Variants in PRKCA observed in about 807,000 individuals in gnomAD.
PRKCA encodes the protein protein kinase C alpha.
Under a neutral mutation model 87.0 loss-of-function variants are expected in PRKCA, and 27 were observed. The observed-to-expected ratio is 0.31, with a 90% CI of 0.23 to 0.43. The LOEUF (loss-of-function observed/expected upper bound fraction) is 0.43. Ranked by LOEUF, PRKCA falls within the 20% of genes least tolerant of loss-of-function variation. The pLI is 1.00. For synonymous variants in PRKCA, 329 were observed against 311.1 expected (o/e 1.06, Z -0.61); for missense variants, 518 against 852.3 (o/e 0.61, Z 4.88).
At position 66,661,926 on chromosome 17, in the gene PRKCA, C is replaced by G. The variant is rs559102750; in HGVS notation, c.529+16415C>G. ...CCCCTGCGGCAGCTTTTTCTGCAGG[C>G]CACGTTGCTGCCTTGGCAGACCCTC... On this transcript the variant is annotated intron_variant, in intron 5 of 16. Coordinates refer to ENST00000413366, the MANE Select transcript of PRKCA (RefSeq NM_002737.3). Among the ~76,000 whole-genome samples, 8 of 152,286 alleles carry G rather than the reference C, an allele frequency of 5.3e-5. No homozygotes were observed. The East Asian group carries it at 1.5e-3, about 29-fold the overall frequency.
At chr17:66,749,258 G>A (rs4456536) in intron 13 of PRKCA, among the ~76,000 whole-genome samples, 3,559 of 126,118 alleles carry the variant, frequency 0.028, 48 homozygotes, top group Non-Finnish European at 0.034. Context: ...CTGCCTCCCC[G>A]CCCCATTCCC....
At chr17:66,640,748 T>G (rs902693355) in intron 3 of PRKCA, among the ~76,000 whole-genome samples, 1 of 152,234 alleles carries the variant, frequency 6.6e-6, no homozygotes, top group Non-Finnish European at 1.5e-5. Flanking sequence ...TTTAAAACAC[T>G]GTGCTTGTCC....
At chr17:66,438,845 T>C (rs1913556254) in intron 2 of PRKCA, among the ~76,000 whole-genome samples, 1 of 152,076 alleles carries the variant, frequency 6.6e-6, no homozygotes, top group Non-Finnish European at 1.5e-5. Context: ...GAGAACAGGA[T>C]GGGGGATACT....
chr17:66,588,102 T>C (rs1320015656), intron 3 of PRKCA, among the ~76,000 whole-genome samples: 1 of 151,916 alleles, frequency 6.6e-6, no homozygotes, highest in African/African-American at 2.4e-5. Context: ...TGTTGGAGGA[T>C]TCTACTTCCT....
intron 4 of PRKCA, among the ~76,000 whole-genome samples, chr17:66,644,607 A>G (rs1486523749): frequency 6.6e-6 from 1 of 152,180 alleles, no homozygotes; most frequent in African/African-American, 2.4e-5. Context: ...CTAGGCGGGT[A>G]TTTGTTTTAC....
At chr17:66,344,638 A>G (rs1383346319) in intron 2 of PRKCA, among the ~76,000 whole-genome samples, 1 of 152,282 alleles carries the variant, frequency 6.6e-6, no homozygotes, top group Non-Finnish European at 1.5e-5. Context: ...TGAGGCTTAG[A>G]AATGTAAGTA....
chr17:66,715,372 C>T (rs78894876), intron 8 of PRKCA, among the ~76,000 whole-genome samples: 5 of 152,158 alleles, frequency 3.3e-5, no homozygotes, highest in African/African-American at 9.7e-5. Context: ...ACTCTGCCCT[C>T]GTGTAACTGT....
At chr17:66,463,671 A>G (rs956450607) in intron 2 of PRKCA, among the ~76,000 whole-genome samples, 1 of 152,212 alleles carries the variant, frequency 6.6e-6, no homozygotes, top group Non-Finnish European at 1.5e-5. Context: ...CTGGGATTGC[A>G]GGCATGAGCC....
intron 3 of PRKCA, among the ~76,000 whole-genome samples, chr17:66,497,066 A>C (rs1443350308): frequency 6.6e-6 from 1 of 152,238 alleles, no homozygotes; most frequent in Non-Finnish European, 1.5e-5. Context: ...TATGTTAAAA[A>C]TGCTGCTGCT....
intron 3 of PRKCA, among the ~76,000 whole-genome samples, chr17:66,592,056 C>G (rs1969823116): frequency 6.6e-6 from 1 of 151,988 alleles, no homozygotes. Context: ...TAAATAAAGA[C>G]ATTATTAAAA....
chr17:66,378,340 CCTCT>C (rs1373961440), intron 2 of PRKCA, among the ~76,000 whole-genome samples: 5 of 152,004 alleles, frequency 3.3e-5, no homozygotes, highest in African/African-American at 1.2e-4. Context: ...GATTTTTTTC[CCTCT>C]ATCACATATG....
intron 2 of PRKCA, among the ~76,000 whole-genome samples, chr17:66,399,388 A>G (rs929464781): frequency 5.9e-5 from 9 of 152,114 alleles, no homozygotes; most frequent in African/African-American, 2.2e-4. Flanking sequence ...AAAGCAGTAA[A>G]TGAAAATTTG....
intron 8 of PRKCA, among the ~76,000 whole-genome samples, chr17:66,709,462 C>T (rs572048416): frequency 2.4e-4 from 37 of 151,766 alleles, no homozygotes; most frequent in Non-Finnish European, 5.3e-4. Flanking sequence ...AGGCTTGAGC[C>T]ACCACACCTG....
At chr17:66,534,341 C>G (rs1456261701) in intron 3 of PRKCA, among the ~76,000 whole-genome samples, 6 of 152,038 alleles carry the variant, frequency 3.9e-5, no homozygotes, top group Admixed American at 6.6e-5. Flanking sequence ...AATTGACTTC[C>G]TCTTGGGTTT....
chr17:66,606,695 T>C (rs752463652), intron 3 of PRKCA, among the ~76,000 whole-genome samples: 2 of 152,212 alleles, frequency 1.3e-5, no homozygotes, highest in Non-Finnish European at 2.9e-5. Flanking sequence ...TATTTTTCTA[T>C]GTTTCAGGTT....
intron 2 of PRKCA, among the ~76,000 whole-genome samples, chr17:66,361,474 G>A (rs1259635751): frequency 6.6e-6 from 1 of 151,874 alleles, no homozygotes; most frequent in African/African-American, 2.4e-5. Context: ...ACCACGCCTG[G>A]CTAATTTTTG....
chr17:66,396,286 G>A (rs1598637680), intron 2 of PRKCA, among the ~76,000 whole-genome samples: 2 of 152,152 alleles, frequency 1.3e-5, no homozygotes, highest in East Asian at 3.9e-4. Flanking sequence ...TATTTTGTGT[G>A]TGTGAAAATT....
intron 2 of PRKCA, among the ~76,000 whole-genome samples, chr17:66,442,164 C>T (rs568263025): frequency 2.7e-4 from 41 of 151,490 alleles, no homozygotes; most frequent in African/African-American, 8.2e-4. Context: ...TGGATTCAAG[C>T]GATTCTCCTG....
chr17:66,579,746 A>T (rs749729272), intron 3 of PRKCA, among the ~76,000 whole-genome samples: 7 of 152,174 alleles, frequency 4.6e-5, no homozygotes, highest in Non-Finnish European at 1.0e-4. Flanking sequence ...AGGCAGGGCC[A>T]TGGAGATGGT....
Sources: allele counts gnomAD v4.1 joint callset (sites outside exome capture counted in the v4.1 genomes callset), GRCh38; gene constraint gnomAD v4.1.1; transcripts MANE v1.5; gene names NCBI Gene and HGNC (gene_info 2026-07-23, HGNC 2026-07-21).